BRWD1: variants seen among roughly 807,000 people sequenced by gnomAD.
BRWD1 encodes bromodomain and WD repeat domain containing 1, also known as bromodomain and WD repeat-containing protein 1.
A neutral mutation model predicts 251.2 loss-of-function variants in BRWD1; 82 were observed. The observed-to-expected ratio is 0.33, with a 90% CI of 0.27 to 0.39. BRWD1 has a LOEUF of 0.39. Among genes scored for constraint, BRWD1 ranks in the 10% least tolerant of loss-of-function variants. BRWD1 has a pLI of 1.00. For synonymous variants in BRWD1, 918 were observed against 902.8 expected (o/e 1.02, Z -0.30); for missense variants, 2,233 against 2,711.6 (o/e 0.82, Z 3.92).
At chr21:39,314,319 C>T (rs1265068133), upstream of BRWD1, 1 of 455,830 alleles carries the variant, frequency 2.2e-6, no homozygotes. Context: ...AGCAGCCCGG[C>T]AGAAAATTAC....
chr21:39,287,677 T>C (rs960225316), intron 8 of BRWD1, among the ~76,000 whole-genome samples: 3 of 152,236 alleles, frequency 2.0e-5, no homozygotes, highest in Non-Finnish European at 4.4e-5. Context: ...CCAGTATTTT[T>C]AGTCTTTCAA....
chr21:39,268,515 T>C (rs1013528635), intron 15 of BRWD1, among the ~76,000 whole-genome samples: 2 of 150,744 alleles, frequency 1.3e-5, no homozygotes, highest in African/African-American at 4.9e-5. Flanking sequence ...ATATGATTCA[T>C]GAAGGACACA....
chr21:39,300,127 G>A (rs934325680), intron 4 of BRWD1, among the ~76,000 whole-genome samples: 3 of 152,166 alleles, frequency 2.0e-5, no homozygotes, highest in Non-Finnish European at 2.9e-5. Context: ...CGGCATGACT[G>A]ATTAGAATCC....
chr21:39,196,692 ACTTC>A lies in BRWD1; in HGVS notation c.6373_6376del (p.Glu2125Ter). The A allele has an allele frequency of 6.2e-7, 1 of 1,613,756 alleles. No homozygotes were observed. Among genetic ancestry groups the A allele is most frequent in the Admixed American group, 1.7e-5 (1 of 59,980 alleles). ...TTCAGGATGCGATCTCTTCCTTTTT[ACTTC>A]CTTCTCTGCTGTTTCCTGTGAATCA... On this transcript the variant is annotated frameshift_variant, in exon 41 of 41. Transcript: ENST00000342449. LOFTEE classifies it high-confidence loss of function.
chr21:39,184,520 C>T (rs1233109117), downstream of BRWD1: 1 of 152,138 alleles, frequency 6.6e-6, no homozygotes, highest in Non-Finnish European at 1.5e-5. Context: ...TACATGACAT[C>T]GCCTGCATTT....
At chr21:39,232,720 C>T (rs1395365835) in intron 23 of BRWD1, among the ~76,000 whole-genome samples, 1 of 152,100 alleles carries the variant, frequency 6.6e-6, no homozygotes, top group African/African-American at 2.4e-5. Flanking sequence ...GCATCATCTC[C>T]TAAATTTCTG....
In BRWD1 at chr21:39,255,706, G is replaced by T; in HGVS notation, c.2194C>A (p.Arg732Ser). 6.2e-7 allele frequency: 1 copy of T among 1,614,146 alleles called. No homozygotes were observed. Among genetic ancestry groups the T allele is most frequent in the Non-Finnish European group, 8.5e-7 (1 of 1,180,020 alleles). The change falls in exon 19 of 41, where the codon CGT (arginine) becomes AGT (serine). Residue 732 changes from arginine (R) to serine (S), a missense_variant. Physicochemically the swap from Arg to Ser is moderately radical, Grantham distance 110 (BLOSUM62 -1). Around this residue, in one of 12 missense-constraint regions of BRWD1, gnomAD observed 35 missense variants for 76.3 expected, o/e 0.46. Transcript: ENST00000342449. ...NAPRSQIATERDLQAWKRRVV... is the reference protein window; with the variant it reads ...NAPRSQIATESDLQAWKRRVV... ...CTTCGTTTCCAAGCCTGCAGGTCAC[G>T]TTCTGTAGCAATCTGACTGCGTGGA...
At chr21:39,296,013 C>G (rs928128158) in intron 6 of BRWD1, 110 bp from the exon 7 acceptor site, 6 of 920,686 alleles carry the variant, frequency 6.5e-6, no homozygotes, top group Non-Finnish European at 9.1e-6. Flanking sequence ...GTTCAAGAAG[C>G]CCTAATGACA....
At chr21:39,313,641 G>T, upstream of BRWD1, 2 of 494,358 alleles carry the variant, frequency 4.0e-6, no homozygotes, top group Non-Finnish European at 3.1e-6. Context: ...CTGGACCGAC[G>T]CCTCCGCGGG....
chr21:39,187,530 A>G lies in BRWD1; in HGVS notation c.*8729T>C. On this transcript the variant is annotated 3_prime_UTR_variant, in exon 41 of 41. Transcript: ENST00000342449. Reference sequence around the variant, plus strand: ...CGGAAACAATAAATTTAAAAGTCATATTGCTAAATGATAAATTTTAAAATG... The same window carrying G: ...CGGAAACAATAAATTTAAAAGTCATGTTGCTAAATGATAAATTTTAAAATG... 7.1e-7 allele frequency: 1 copy of G among 1,408,204 alleles called. No individual in the cohort carries two copies. Among genetic ancestry groups the G allele is most frequent in the South Asian group, 1.7e-5 (1 of 59,454 alleles). 87.2% of individuals were successfully genotyped at this position (1,408,204 alleles called of 1,614,324 possible).
At chr21:39,278,934 C>T (rs2035363953) in intron 9 of BRWD1, 121 bp from the exon 10 acceptor site, 2 of 754,866 alleles carry the variant, frequency 2.6e-6, no homozygotes, top group Non-Finnish European at 3.9e-6. Flanking sequence ...AGGGTCTCGC[C>T]ATGTTGCCCA....
intron 1 of BRWD1, among the ~76,000 whole-genome samples, chr21:39,320,577 C>T (rs919493630): frequency 6.6e-6 from 1 of 152,022 alleles, no homozygotes; most frequent in Non-Finnish European, 1.5e-5. Flanking sequence ...TCAAGCAATC[C>T]TCTGGCTCAG....
intron 7 of BRWD1, among the ~76,000 whole-genome samples, chr21:39,294,481 C>A (rs1334330027): frequency 5.0e-5 from 1 of 19,906 alleles, no homozygotes; most frequent in Non-Finnish European, 1.1e-4. Context: ...GGCAGTGAAA[C>A]CTTTCTACTA....
At chr21:39,292,746 G>A (rs1365702170) in intron 8 of BRWD1, among the ~76,000 whole-genome samples, 1 of 152,090 alleles carries the variant, frequency 6.6e-6, no homozygotes, top group Non-Finnish European at 1.5e-5. Flanking sequence ...GAAACTGCAA[G>A]CGAATTTTTT....
chr21:39,202,118 C>A (rs909601696), intron 38 of BRWD1, among the ~76,000 whole-genome samples: 2 of 152,170 alleles, frequency 1.3e-5, no homozygotes, highest in South Asian at 2.1e-4. Flanking sequence ...ATTGACAATT[C>A]AATATAAATG....
chr21:39,205,186 C>T (rs2032328360), intron 37 of BRWD1, among the ~76,000 whole-genome samples: 1 of 152,158 alleles, frequency 6.6e-6, no homozygotes, highest in South Asian at 2.1e-4. Flanking sequence ...TAAAAAAATG[C>T]ATACAGGCTG....
At chr21:39,239,580 G>GTT (rs2033921827) in intron 21 of BRWD1, among the ~76,000 whole-genome samples, 1 of 152,164 alleles carries the variant, frequency 6.6e-6, no homozygotes, top group East Asian at 1.9e-4. Flanking sequence ...TTTACAGTAA[G>GTT]TCTTAATGCC....
intron 39 of BRWD1, 144 bp from the exon 40 acceptor site, chr21:39,199,806 A>C: frequency 1.2e-6 from 1 of 869,242 alleles, no homozygotes; most frequent in Non-Finnish European, 1.7e-6. Flanking sequence ...GCTGGAGTGC[A>C]ATGGTGCAAT....
chr21:39,270,236 A>G (rs201035357), intron 14 of BRWD1, 47 bp downstream of exon 14: 96 of 1,476,826 alleles, frequency 6.5e-5, no homozygotes, highest in Non-Finnish European at 8.1e-5. Flanking sequence ...AATTACAATC[A>G]TATTTCAAAA....
Sources: gnomAD v4.1 joint callset for allele counts (sites outside exome capture counted in the v4.1 genomes callset) on GRCh38, gnomAD v4.1.1 for gene constraint, gnomAD v4.1.1 regional missense constraint, MANE v1.5 for transcripts, NCBI Gene and HGNC (gene_info 2026-07-23, HGNC 2026-07-21) for gene names.